CEP112: variants seen among roughly 807,000 people sequenced by gnomAD.
CEP112 encodes the protein centrosomal protein of 112 kDa.
Under a neutral mutation model 153.0 loss-of-function variants are expected in CEP112, and 127 were observed. The ratio of observed to expected loss-of-function variants is 0.83; its 90% CI spans 0.72 to 0.96. The LOEUF (loss-of-function observed/expected upper bound fraction) is 0.96, where lower values mean the gene tolerates loss of function less well. CEP112 is among the 40% of genes least tolerant of loss of function. The pLI is 0.00. For synonymous variants in CEP112, 358 were observed against 374.4 expected, an observed-to-expected ratio of 0.96 and a Z score of 0.51; for missense variants, 1,089 against 1,101.2, an observed-to-expected ratio of 0.99 and a Z score of 0.16.
At chr17:66,159,891 G>A (rs892828971) in intron 4 of CEP112, among the ~76,000 whole-genome samples, 13 of 152,112 alleles carry the variant, frequency 8.5e-5, no homozygotes, top group Admixed American at 2.6e-4. Flanking sequence ...TATTCAAATA[G>A]GAAGAGAGGA....
At chr17:65,638,618 G>A (rs184074461) in intron 25 of CEP112, among the ~76,000 whole-genome samples, 110 of 152,314 alleles carry the variant, frequency 7.2e-4, no homozygotes, top group African/African-American at 2.6e-3. Flanking sequence ...AATTTTGACA[G>A]ATGCAGGGAT....
At position 65,676,141 on chromosome 17, in the gene CEP112, A is replaced by T. The variant is rs146979520; in HGVS notation, c.2697+12988T>A. Among the ~76,000 whole-genome samples the T allele has an allele frequency of 1.9e-3, 288 of 152,324 alleles. 7 individuals carry two copies. In the East Asian group the frequency reaches 0.036, roughly 19 times the overall value. The stretch of plus-strand genomic sequence containing the variant: ...CACTTGAGGTCAGGAGTTTGAGACC[A>T]GTGTGGCCAACATGGTGAAACCCCA... On this transcript the variant is annotated intron_variant, in intron 24 of 26. Coordinates refer to ENST00000535342, the MANE Select transcript of CEP112 (RefSeq NM_001199165.4).
At chr17:66,171,089 T>C (rs2072225564) in intron 4 of CEP112, among the ~76,000 whole-genome samples, 1 of 152,138 alleles carries the variant, frequency 6.6e-6, no homozygotes, top group African/African-American at 2.4e-5. Context: ...CAAGACTATA[T>C]ACCATATCCT....
At chr17:65,682,481 C>T (rs1321283958) in intron 24 of CEP112, among the ~76,000 whole-genome samples, 1 of 152,152 alleles carries the variant, frequency 6.6e-6, no homozygotes, top group South Asian at 2.1e-4. Context: ...AAAATATAAC[C>T]TCAGTCATCT....
chr17:65,750,375 G>A (rs2051746419), intron 22 of CEP112, among the ~76,000 whole-genome samples: 1 of 152,184 alleles, frequency 6.6e-6, no homozygotes, highest in African/African-American at 2.4e-5. Flanking sequence ...GCCTGGGCTT[G>A]TTCAAGTGTA....
chr17:66,075,409 C>T (rs780664270), intron 8 of CEP112, among the ~76,000 whole-genome samples: 2 of 151,528 alleles, frequency 1.3e-5, no homozygotes, highest in African/African-American at 4.9e-5. Flanking sequence ...AGCCCAAAAG[C>T]AACCAATAAA....
rs750411077 is a variant in CEP112 at position 65,689,128 on chromosome 17, C to T, written c.2697+1G>A. The T allele has an allele frequency of 5.9e-5, 94 of 1,600,486 alleles. No individual in the cohort carries two copies. The highest frequency in any genetic ancestry group is 7.9e-5 in the Non-Finnish European group (92 of 1,167,738). On this transcript the variant is annotated splice_donor_variant, in intron 24 of 26. Transcript: ENST00000535342. LOFTEE classifies it high-confidence loss of function. ...GAGTCAAATAGTAAAGGAGAGGGTA[C>T]CTGTTCCTGTGACTCCAATTCTTTG...
At chr17:65,737,137 A>C (rs2050849878) in intron 23 of CEP112, among the ~76,000 whole-genome samples, 1 of 152,202 alleles carries the variant, frequency 6.6e-6, no homozygotes, top group Non-Finnish European at 1.5e-5. Context: ...TAGTAGATTG[A>C]ATGTTCCTCT....
intron 23 of CEP112, among the ~76,000 whole-genome samples, chr17:65,731,291 T>C (rs1335171704): frequency 6.6e-6 from 1 of 152,202 alleles, no homozygotes. Flanking sequence ...GCATATTTTT[T>C]TGGTTTCCCA....
At chr17:65,855,349 G>C (rs1361456193) in intron 20 of CEP112, among the ~76,000 whole-genome samples, 4 of 152,198 alleles carry the variant, frequency 2.6e-5, no homozygotes, top group Non-Finnish European at 4.4e-5. Context: ...TGGGTGAGGA[G>C]TTGAAGAAAA....
intron 24 of CEP112, among the ~76,000 whole-genome samples, chr17:65,641,360 A>T (rs2045124241): frequency 6.6e-6 from 1 of 152,190 alleles, no homozygotes; most frequent in African/African-American, 2.4e-5. Flanking sequence ...CTCTTCACTC[A>T]TGAGGTTCCC....
In CEP112 at chr17:65,913,982, C is replaced by T. The variant is rs1364531020; in HGVS notation, c.1981-11648G>A. 1.3e-5 allele frequency: 7 copies of T among 534,342 alleles called. No homozygotes were observed. In the African/African-American group the frequency reaches 1.4e-4, roughly 11 times the overall value. The allele number at this position is 534,342 out of a possible 1,614,324, so 33.1% of individuals were successfully genotyped here. On this transcript the variant is annotated intron_variant, in intron 19 of 26. Transcript: ENST00000535342. Reference sequence around the variant, plus strand: ...TATTACTTTCTGTGGTTTTATCTGCCAGATCTCAGTTGAAACTCAGGAAGA... The same window carrying T: ...TATTACTTTCTGTGGTTTTATCTGCTAGATCTCAGTTGAAACTCAGGAAGA...
Position 66,005,735 on chromosome 17 carries a change from T to G in CEP112, c.1691A>C (p.Lys564Thr). Residue 564 changes from lysine to threonine, a missense_variant, in exon 17 of 27, where the codon AAA becomes ACA. Coordinates refer to ENST00000535342, the MANE Select transcript of CEP112 (RefSeq NM_001199165.4). ...HDLQSELDKG[K>T]EDTQKKIHKF... is the part of the protein sequence containing the mutation. The stretch of plus-strand genomic sequence containing the variant: ...ATGAATTTTCTTTTGAGTATCTTCT[T>G]TTCCTTTATCAAGTTCACTCTGCAA... 14 of 1,609,732 alleles carry G rather than the reference T, an allele frequency of 8.7e-6. No individual in the cohort carries two copies. Among genetic ancestry groups the G allele is most frequent in the Non-Finnish European group, 1.2e-5 (14 of 1,178,766 alleles).
chr17:65,640,154 A>ATATATATTTTTTTT (rs1300751452), intron 25 of CEP112, among the ~76,000 whole-genome samples: 11 of 78,342 alleles, frequency 1.4e-4, no homozygotes, highest in African/African-American at 7.7e-4. Context: ...ATATATATAT[A>ATATATATTTTTTTT]TTTTTTTTTT....
intron 8 of CEP112, among the ~76,000 whole-genome samples, chr17:66,082,482 G>A (rs1052315474): frequency 5.9e-5 from 9 of 152,118 alleles, no homozygotes; most frequent in Non-Finnish European, 1.2e-4. Flanking sequence ...TTAATATGTG[G>A]GTCAGGTGCG....
At chr17:65,645,448 G>A (rs2143453149) in intron 24 of CEP112, among the ~76,000 whole-genome samples, 1 of 151,976 alleles carries the variant, frequency 6.6e-6, no homozygotes, top group East Asian at 1.9e-4. Context: ...ATATTTCCTT[G>A]GATGGTTTTA....
At chr17:66,051,037 T>C (rs1000364972) in intron 12 of CEP112, among the ~76,000 whole-genome samples, 1 of 152,140 alleles carries the variant, frequency 6.6e-6, no homozygotes, top group Non-Finnish European at 1.5e-5. Flanking sequence ...TGGCATCCAG[T>C]AGCACAATCA....
intron 4 of CEP112, among the ~76,000 whole-genome samples, chr17:66,149,868 G>A (rs1177941864): frequency 1.5e-4 from 12 of 79,566 alleles, no homozygotes; most frequent in Non-Finnish European, 3.0e-4. Context: ...TAAATTTAGG[G>A]TTTTTTTTTT....
At chr17:66,057,982 A>G (rs936280931) in intron 11 of CEP112, among the ~76,000 whole-genome samples, 6 of 152,066 alleles carry the variant, frequency 3.9e-5, no homozygotes, top group East Asian at 1.9e-4. Flanking sequence ...TATTCCAGCT[A>G]CTTGGGAGGC....
Sources: allele counts gnomAD v4.1 joint callset (sites outside exome capture counted in the v4.1 genomes callset), GRCh38; gene constraint gnomAD v4.1.1; transcripts MANE v1.5; gene names NCBI Gene and HGNC (gene_info 2026-07-23, HGNC 2026-07-21).